Variants in C1orf105 observed in about 807,000 individuals in gnomAD.
C1orf105 encodes the protein uncharacterized protein C1orf105.
In C1orf105, 17 loss-of-function variants were observed where a neutral mutation model predicts 20.8. That is an observed-to-expected ratio of 0.82 (90% confidence interval 0.56 to 1.23). The LOEUF (loss-of-function observed/expected upper bound fraction) is 1.23. Among genes scored for constraint, C1orf105 ranks in the 50% most tolerant of loss-of-function variants. The probability of loss-of-function intolerance (pLI) is 0.00; values close to 1 mark genes in which losing one functional copy is unlikely to be tolerated. For missense variants in C1orf105, 219 were observed against 213.5 expected (o/e 1.03, Z -0.16); for synonymous variants, 72 against 72.1 (o/e 1.00, Z 0.01).
chr1:172,437,192 T>C (rs893469967), intron 1 of C1orf105, among the ~76,000 whole-genome samples: 5 of 152,054 alleles, frequency 3.3e-5, no homozygotes, highest in African/African-American at 9.7e-5. Flanking sequence ...CCTCAAGGAT[T>C]TAGAGCTAGA....
intron 1 of C1orf105, among the ~76,000 whole-genome samples, chr1:172,426,777 T>C (rs2071734459): frequency 6.6e-6 from 1 of 152,214 alleles, no homozygotes; most frequent in Admixed American, 6.5e-5. Context: ...CCCTCTGTCC[T>C]TCACCCTTCT....
intron 1 of C1orf105, among the ~76,000 whole-genome samples, chr1:172,424,199 G>T (rs766700378): frequency 5.3e-5 from 8 of 152,092 alleles, no homozygotes; most frequent in Non-Finnish European, 8.8e-5. Flanking sequence ...ATGAGCCATG[G>T]GTAGATAATA....
chr1:172,431,345 T>C (rs1039757502), intron 1 of C1orf105: 3 of 347,478 alleles, frequency 8.6e-6, no homozygotes, highest in African/African-American at 6.3e-5. Context: ...GATAAAGTTA[T>C]AGTGGTCTGT....
chr1:172,425,898 G>A (rs969305157), intron 1 of C1orf105, among the ~76,000 whole-genome samples: 2 of 133,904 alleles, frequency 1.5e-5, no homozygotes, highest in Admixed American at 7.8e-5. Context: ...CCACTCACAC[G>A]CTCACTACTA....
chr1:172,444,621 A>G (rs1647764050), intron 1 of C1orf105, among the ~76,000 whole-genome samples: 1 of 152,264 alleles, frequency 6.6e-6, no homozygotes, highest in Admixed American at 6.5e-5. Flanking sequence ...GCACCTGGGA[A>G]GTAGATGAAC....
intron 1 of C1orf105, chr1:172,442,838 AAG>A (rs1171786553): frequency 3.8e-6 from 2 of 528,854 alleles, no homozygotes; most frequent in Non-Finnish European, 6.9e-6. Context: ...TTCCTAGAAA[AAG>A]AGAGACTGTG....
chr1:172,436,733 A>T (rs555419485), intron 1 of C1orf105, among the ~76,000 whole-genome samples: 4 of 152,264 alleles, frequency 2.6e-5, no homozygotes, highest in South Asian at 4.1e-4. Flanking sequence ...AAGCCAAAAT[A>T]GACAAATGGG....
At chr1:172,431,012 T>G in intron 1 of C1orf105, 3 of 590,476 alleles carry the variant, frequency 5.1e-6, no homozygotes, top group Admixed American at 2.9e-5. Context: ...TTCTGACTGC[T>G]CCACTGACCA....
chr1:172,424,531 C>G (rs1425199162), intron 1 of C1orf105, among the ~76,000 whole-genome samples: 1 of 152,164 alleles, frequency 6.6e-6, no homozygotes, highest in South Asian at 2.1e-4. Flanking sequence ...GCTGGGACTA[C>G]AGGTGCCTGC....
Position 172,465,348 on chromosome 1 carries a change from G to T in C1orf105, c.391G>T (p.Asp131Tyr). The T allele has an allele frequency of 6.2e-7, 1 of 1,611,362 alleles. No individual in the cohort carries two copies. Among genetic ancestry groups the T allele is most frequent in the Non-Finnish European group, 8.5e-7 (1 of 1,177,516 alleles). Residue 131 changes from aspartate (D) to tyrosine (Y), a missense_variant, in exon 6 of 7, where the codon GAT becomes TAT. Coordinates refer to ENST00000367727, the MANE Select transcript of C1orf105 (RefSeq NM_139240.4). The stretch of plus-strand genomic sequence containing the variant: ...CCAGACTACACCTGAGCCTTTCCAT[G>T]ATGACATCCCAACAGGTTTGCTTTC... ...KFQTTPEPFH[D>Y]DIPTESIHYR...
chr1:172,445,604 A>G (rs1647899067), intron 2 of C1orf105, among the ~76,000 whole-genome samples: 1 of 152,222 alleles, frequency 6.6e-6, no homozygotes, highest in South Asian at 2.1e-4. Flanking sequence ...TACTCCTTCC[A>G]AACAAACTAC....
At chr1:172,441,547 A>G (rs1647308250) in intron 1 of C1orf105, 1 of 479,802 alleles carries the variant, frequency 2.1e-6, no homozygotes, top group South Asian at 6.2e-5. Context: ...TTCATCTACA[A>G]AATAACAGAA....
At chr1:172,441,666 G>A (rs1457055957) in intron 1 of C1orf105, 3 of 1,362,492 alleles carry the variant, frequency 2.2e-6, no homozygotes, top group South Asian at 1.5e-5. Context: ...CTGTCTTTAA[G>A]TTCTATACTA....
chr1:172,430,368 T>A, intron 1 of C1orf105: 1 of 690,058 alleles, frequency 1.4e-6, no homozygotes, highest in South Asian at 1.5e-5. Context: ...TGGCAGCAGT[T>A]AAGGGCTCTG....
At chr1:172,422,143 C>A (rs950106754) in intron 1 of C1orf105, among the ~76,000 whole-genome samples, 4 of 151,570 alleles carry the variant, frequency 2.6e-5, no homozygotes, top group African/African-American at 7.3e-5. Context: ...TAGTAAGACA[C>A]CAGCCAGGAT....
Position 172,448,660 on chromosome 1 carries a change from T to C in C1orf105, c.198+129T>C. 5.0e-6 allele frequency: 3 copies of C among 596,974 alleles called. No individual in the cohort carries two copies. The Admixed American group carries it at 8.7e-5, about 17-fold the overall frequency. 37.0% of individuals were successfully genotyped at this position (596,974 alleles called of 1,614,324 possible). On this transcript the variant is annotated intron_variant, in intron 3 of 6. Coordinates refer to ENST00000367727, the MANE Select transcript of C1orf105 (RefSeq NM_139240.4). ...CCATCAATGTTCAATAAATATTTGTTAAATGAAATGAATGGCCCCACCCCC... is the reference window on the plus strand; with the variant it reads ...CCATCAATGTTCAATAAATATTTGTCAAATGAAATGAATGGCCCCACCCCC...
intron 1 of C1orf105, chr1:172,431,107 T>C: frequency 1.5e-6 from 1 of 645,694 alleles, no homozygotes; most frequent in South Asian, 1.8e-5. Flanking sequence ...TTAATAACCC[T>C]GCAATGGCTT....
At chr1:172,453,138 A>G (rs1268528030) in intron 3 of C1orf105, 1 of 1,551,024 alleles carries the variant, frequency 6.4e-7, no homozygotes. Context: ...CTCCAGATAG[A>G]AATGGAGCAG....
chr1:172,428,671 G>C, intron 1 of C1orf105: 1 of 563,988 alleles, frequency 1.8e-6, no homozygotes, highest in Non-Finnish European at 3.1e-6. Context: ...TTTATTTAAT[G>C]CTATGCCACT....
Sources: gnomAD v4.1 joint callset for allele counts (sites outside exome capture counted in the v4.1 genomes callset) on GRCh38, gnomAD v4.1.1 for gene constraint, MANE v1.5 for transcripts, NCBI Gene and HGNC (gene_info 2026-07-23, HGNC 2026-07-21) for gene names.